The following GSPT1 variants were observed in gnomAD, a reference collection of about 807,000 sequenced individuals.
GSPT1 encodes eukaryotic peptide chain release factor GTP-binding subunit ERF3A.
In GSPT1, 20 loss-of-function variants were observed where a neutral mutation model predicts 72.5. The observed-to-expected ratio is 0.28, with a 90% CI of 0.19 to 0.40. The LOEUF (loss-of-function observed/expected upper bound fraction) is 0.40, where lower values mean the gene tolerates loss of function less well. GSPT1 is among the 10% of genes least tolerant of loss of function. GSPT1 has a pLI of 1.00. For synonymous variants in GSPT1, 334 were observed against 293.5 expected, an observed-to-expected ratio of 1.14 and a Z score of -1.41; for missense variants, 580 against 811.9, an observed-to-expected ratio of 0.71 and a Z score of 3.47.
At chr16:11,904,913 C>T (rs2054469464) in intron 1 of GSPT1, among the ~76,000 whole-genome samples, 3 of 152,060 alleles carry the variant, frequency 2.0e-5, no homozygotes, top group Admixed American at 6.6e-5. Context: ...AAGGAGACTT[C>T]GTCCTTACAA....
intron 14 of GSPT1, among the ~76,000 whole-genome samples, chr16:11,874,103 G>A (rs1302449609): frequency 6.6e-6 from 1 of 152,162 alleles, no homozygotes; most frequent in East Asian, 1.9e-4. Context: ...AAAAATGGTT[G>A]CCTGGGGTGG....
rs2053989773 is a variant in GSPT1 at position 11,872,461 on chromosome 16, T to C, written c.*658A>G. 6.6e-6 allele frequency: 1 copy of C among 152,118 alleles called. No homozygotes were observed. The highest frequency in any genetic ancestry group is 1.5e-5 in the Non-Finnish European group (1 of 68,028). 9.4% of individuals were successfully genotyped at this position (152,118 alleles called of 1,614,324 possible). On this transcript the variant is annotated 3_prime_UTR_variant, in exon 15 of 15. Transcript: ENST00000434724. The stretch of plus-strand genomic sequence containing the variant: ...TTGCATAAAGGGATTTAACTGCATG[T>C]ATGCATTAACCATCAAAAGAAGGGG...
chr16:11,876,081 C>T lies in GSPT1; in HGVS notation c.1692+5G>A. Reference sequence around the variant, plus strand: ...ACAGAAATAAACCAATTATCTTAAACTCACTGTTATTTCCACCTCCTCAAT... The same window carrying T: ...ACAGAAATAAACCAATTATCTTAAATTCACTGTTATTTCCACCTCCTCAAT... On this transcript the variant is annotated splice_donor_5th_base_variant and intron_variant, in intron 13 of 14. Coordinates refer to ENST00000434724, the MANE Select transcript of GSPT1 (RefSeq NM_002094.4). The T allele has an allele frequency of 6.4e-7, 1 of 1,569,912 alleles. No homozygotes were observed.
intron 9 of GSPT1, among the ~76,000 whole-genome samples, chr16:11,885,532 T>C (rs1015034416): frequency 3.9e-5 from 6 of 152,216 alleles, no homozygotes; most frequent in Non-Finnish European, 8.8e-5. Flanking sequence ...ATAAATTGAC[T>C]ATATTACTTT....
intron 11 of GSPT1, chr16:11,881,655 C>CTTTTTTTTTTTTTTTTTTTTTTTT (rs140995097): frequency 8.6e-5 from 8 of 92,748 alleles, no homozygotes; most frequent in African/African-American, 2.7e-4. Context: ...ACTTCCATAG[C>CTTTTTTTTTTTTTTTTTTTTTTTT]TTTTTTTTTT....
In GSPT1 at chr16:11,877,328, A is replaced by C. The variant is rs563858912; in HGVS notation, c.1602+79T>G. 2.7e-5 allele frequency: 26 copies of C among 977,398 alleles called. No individual in the cohort carries two copies. The African/African-American group carries it at 3.3e-4, about 12-fold the overall frequency. 60.5% of individuals were successfully genotyped at this position (977,398 alleles called of 1,614,324 possible). ...ATGGGTTAACTGGCATGTCACAAAT[A>C]ATCAGGACAAAAGGCACTGATATTC... On this transcript the variant is annotated intron_variant, in intron 12 of 14. Coordinates refer to ENST00000434724, the MANE Select transcript of GSPT1 (RefSeq NM_002094.4). The surrounding 1 kb of genome is among the most constrained non-coding windows in gnomAD (Gnocchi z 4.0).
chr16:11,897,563 C>T (rs540051648), intron 3 of GSPT1, among the ~76,000 whole-genome samples: 1 of 152,040 alleles, frequency 6.6e-6, no homozygotes, highest in Non-Finnish European at 1.5e-5. Context: ...CCAGCCTGGG[C>T]GACAGAGCAA....
At chr16:11,914,302 C>T (rs369444386) in intron 1 of GSPT1, among the ~76,000 whole-genome samples, 1 of 152,174 alleles carries the variant, frequency 6.6e-6, no homozygotes, top group African/African-American at 2.4e-5. Flanking sequence ...AGCTACCTAC[C>T]ACAAAATAAG....
chr16:11,889,204 AGG>A (rs2054222768), intron 6 of GSPT1, among the ~76,000 whole-genome samples: 1 of 150,928 alleles, frequency 6.6e-6, no homozygotes. Flanking sequence ...GCTACTTGGG[AGG>A]CTGAAGCAGG....
In GSPT1 at chr16:11,868,263, CG is replaced by C. The variant is rs747058485; in HGVS notation, c.*4855del. On this transcript the variant is annotated 3_prime_UTR_variant, in exon 15 of 15. Coordinates refer to ENST00000434724, the MANE Select transcript of GSPT1 (RefSeq NM_002094.4). ...TCAGGCACAGTAGGTAGCTACAAAT[CG>C]TAAGAAAAAGCTTTCTTTCCTACCT... 6.6e-6 allele frequency: 1 copy of C among 151,802 alleles called. No homozygotes were observed. The highest frequency in any genetic ancestry group is 1.5e-5 in the Non-Finnish European group (1 of 67,994). The allele number at this position is 151,802 out of a possible 1,614,324, so 9.4% of individuals were successfully genotyped here.
intron 1 of GSPT1, among the ~76,000 whole-genome samples, chr16:11,913,580 A>G (rs2054587592): frequency 6.6e-6 from 1 of 152,232 alleles, no homozygotes; most frequent in African/African-American, 2.4e-5. Context: ...TTATCCCCGG[A>G]TGACTCGCTG....
chr16:11,887,238 C>A (rs192252160), intron 7 of GSPT1, among the ~76,000 whole-genome samples: 1 of 152,156 alleles, frequency 6.6e-6, no homozygotes, highest in East Asian at 1.9e-4. Context: ...TTGTGAAAAG[C>A]GCAAAATGAC....
At chr16:11,899,688 G>C (rs185398218) in intron 1 of GSPT1, among the ~76,000 whole-genome samples, 23 of 152,244 alleles carry the variant, frequency 1.5e-4, no homozygotes, top group African/African-American at 5.5e-4. Flanking sequence ...TTCAAGAAAA[G>C]TTTAAGGATA....
At position 11,870,172 on chromosome 16, in the gene GSPT1, TAATCTC is replaced by T. The variant is rs1267271461; in HGVS notation, c.*2941_*2946del. On this transcript the variant is annotated 3_prime_UTR_variant, in exon 15 of 15. Coordinates refer to ENST00000434724, the MANE Select transcript of GSPT1 (RefSeq NM_002094.4). ...CAGTAACACTTTACTATTTGTCACT[TAATCTC>T]AAGACAATACACACTCAGTCCAACT... 1 of 152,210 alleles carries T rather than the reference TAATCTC, an allele frequency of 6.6e-6. No individual in the cohort carries two copies. Among genetic ancestry groups the T allele is most frequent in the Non-Finnish European group, 1.5e-5 (1 of 68,040 alleles). 9.4% of individuals were successfully genotyped at this position (152,210 alleles called of 1,614,324 possible). A position where few individuals can be genotyped will look rare whatever the true frequency, so the allele number is the denominator to read the frequency against.
In GSPT1 at chr16:11,915,284, A is replaced by C. The variant is rs986816539; in HGVS notation, c.352+85T>G. On this transcript the variant is annotated intron_variant, in intron 1 of 14. Coordinates refer to ENST00000434724, the MANE Select transcript of GSPT1 (RefSeq NM_002094.4). ...GCGCCCCACGTGCCGACCGGGCCCC[A>C]GGGCCGCGCGCCCCCGGACCGCACC... 8.0e-6 allele frequency: 10 copies of C among 1,244,952 alleles called. No individual in the cohort carries two copies. The African/African-American group carries it at 1.4e-4, about 18-fold the overall frequency. 77.1% of individuals were successfully genotyped at this position (1,244,952 alleles called of 1,614,324 possible).
chr16:11,885,327 G>A (rs2054174703), intron 9 of GSPT1, 53 bp from the exon 10 acceptor site: 1 of 852,668 alleles, frequency 1.2e-6, no homozygotes, highest in South Asian at 1.4e-5. Flanking sequence ...ATATCAAAAT[G>A]TTAAGTTACA....
chr16:11,893,560 C>G (rs190009586), intron 5 of GSPT1, among the ~76,000 whole-genome samples: 2 of 152,230 alleles, frequency 1.3e-5, no homozygotes, highest in African/African-American at 2.4e-5. Flanking sequence ...CAAAATAGTT[C>G]GTTAGTAATG....
intron 6 of GSPT1, among the ~76,000 whole-genome samples, chr16:11,890,542 T>C (rs2054245954): frequency 6.6e-6 from 1 of 152,206 alleles, no homozygotes; most frequent in Non-Finnish European, 1.5e-5. Context: ...AAAATGACTG[T>C]CAATATCCCA....
rs936970926 is a variant in GSPT1, at chr16:11,872,648, T to C, written c.*471A>G. The C allele has an allele frequency of 6.6e-6, 1 of 152,572 alleles. No individual in the cohort carries two copies. The highest frequency in any genetic ancestry group is 1.5e-5 in the Non-Finnish European group (1 of 68,302). The allele number at this position is 152,572 out of a possible 1,614,324, so 9.5% of individuals were successfully genotyped here. A position where few individuals can be genotyped will look rare whatever the true frequency, so the allele number is the denominator to read the frequency against. The stretch of plus-strand genomic sequence containing the variant: ...AATGTTACATCCAGATAAAAAACAT[T>C]ATTCAAAAGCAATTCAAATACCGAA... On this transcript the variant is annotated 3_prime_UTR_variant, in exon 15 of 15. Transcript: ENST00000434724.
Sources: allele counts gnomAD v4.1 joint callset (sites outside exome capture counted in the v4.1 genomes callset), GRCh38; gene constraint gnomAD v4.1.1; non-coding constraint Gnocchi (gnomAD v3.1); transcripts MANE v1.5; gene names NCBI Gene and HGNC (gene_info 2026-07-23, HGNC 2026-07-21).